Variants in BICDL1 observed in about 807,000 individuals in gnomAD.
BICDL1 encodes the protein BICD family-like cargo adapter 1.
A neutral mutation model predicts 76.8 loss-of-function variants in BICDL1; 20 were observed. That is an observed-to-expected ratio of 0.26 (90% CI 0.18 to 0.38). The LOEUF (loss-of-function observed/expected upper bound fraction) is 0.38, where lower values mean the gene tolerates loss of function less well. Ranked by LOEUF, BICDL1 falls within the 10% of genes least tolerant of loss-of-function variation. The pLI is 1.00. For missense variants in BICDL1, 700 were observed against 798.6 expected, an observed-to-expected ratio of 0.88 and a Z score of 1.49; for synonymous variants, 383 against 337.1, an observed-to-expected ratio of 1.14 and a Z score of -1.49.
chr12:120,061,757 A>T lies in BICDL1; in HGVS notation c.693A>T (p.Arg231Ser). 2 of 1,614,218 alleles carry T rather than the reference A, an allele frequency of 1.2e-6. No homozygotes were observed. The highest frequency in any genetic ancestry group is 1.7e-6 in the Non-Finnish European group (2 of 1,180,030). ...RQLSMQVHAL[R>S]EDFREKNSST... ...TCTCCATGCAGGTCCACGCCCTCAG[A>T]GAAGACTTTCGGGAGAAAAACTCAT... The change falls in exon 3 of 10, where the codon AGA becomes AGT. Residue 231 changes from arginine (R) to serine (S), a missense_variant. By Grantham distance (110) the Arg-to-Ser change is moderately radical (BLOSUM62 -1). Coordinates refer to ENST00000548673, the MANE Select transcript of BICDL1 (RefSeq NM_001367886.1).
At chr12:120,044,582 C>T (rs575324655) in intron 2 of BICDL1, among the ~76,000 whole-genome samples, 9 of 152,192 alleles carry the variant, frequency 5.9e-5, no homozygotes, top group South Asian at 2.1e-4. Flanking sequence ...CATTTTCATG[C>T]AATCTCCTTT....
intron 2 of BICDL1, among the ~76,000 whole-genome samples, chr12:120,044,728 G>A (rs560348913): frequency 1.4e-4 from 21 of 152,000 alleles, no homozygotes; most frequent in Non-Finnish European, 8.8e-5. Context: ...GATATGCGGC[G>A]TTATTTCTGA....
At chr12:120,017,185 C>G (rs1010782063) in intron 2 of BICDL1, among the ~76,000 whole-genome samples, 1 of 152,222 alleles carries the variant, frequency 6.6e-6, no homozygotes, top group Non-Finnish European at 1.5e-5. Context: ...CGTGAGCCAT[C>G]GTGCCCAGCC....
intron 2 of BICDL1, among the ~76,000 whole-genome samples, chr12:120,014,677 G>T (rs911806252): frequency 6.6e-6 from 1 of 150,394 alleles, no homozygotes; most frequent in African/African-American, 2.4e-5. Flanking sequence ...GTGACAGAGC[G>T]AGACTCCATC....
intron 2 of BICDL1, among the ~76,000 whole-genome samples, chr12:120,026,314 A>C (rs1007869460): frequency 1.3e-5 from 2 of 152,186 alleles, no homozygotes; most frequent in Non-Finnish European, 2.9e-5. Context: ...TTACAAAGCA[A>C]ATGGAGGAAA....
chr12:120,037,825 G>A (rs1331830386), intron 2 of BICDL1, among the ~76,000 whole-genome samples: 1 of 152,108 alleles, frequency 6.6e-6, no homozygotes, highest in African/African-American at 2.4e-5. Flanking sequence ...TAACAGACTC[G>A]TCCTTTGACC....
chr12:119,994,105 C>G (rs1440041266), intron 1 of BICDL1, among the ~76,000 whole-genome samples: 1 of 152,130 alleles, frequency 6.6e-6, no homozygotes, highest in Admixed American at 6.5e-5. Flanking sequence ...CAGTATCTCC[C>G]TTTTTTCCAT....
chr12:120,051,442 C>T (rs1952857786), intron 2 of BICDL1, among the ~76,000 whole-genome samples: 1 of 152,170 alleles, frequency 6.6e-6, no homozygotes, highest in South Asian at 2.1e-4. Context: ...TTTTATGAAT[C>T]TGTTTCTACC....
chr12:119,997,599 TAG>T (rs1951677032), intron 1 of BICDL1, among the ~76,000 whole-genome samples: 2 of 152,230 alleles, frequency 1.3e-5, no homozygotes, highest in South Asian at 4.1e-4. Flanking sequence ...AGCTGTGACT[TAG>T]AGAACCAGAG....
intron 2 of BICDL1, among the ~76,000 whole-genome samples, chr12:120,001,157 T>C (rs1464702218): frequency 6.6e-6 from 1 of 152,204 alleles, no homozygotes; most frequent in East Asian, 1.9e-4. Context: ...TTTTATTAAC[T>C]GAGTATCCAG....
intron 2 of BICDL1, among the ~76,000 whole-genome samples, chr12:120,003,335 G>A (rs541145145): frequency 1.3e-5 from 2 of 152,254 alleles, no homozygotes; most frequent in African/African-American, 4.8e-5. Context: ...CTTGTTTATT[G>A]TTGTAAACAG....
intron 2 of BICDL1, among the ~76,000 whole-genome samples, chr12:120,055,142 A>G (rs1952947888): frequency 6.6e-6 from 1 of 152,202 alleles, no homozygotes; most frequent in South Asian, 2.1e-4. Context: ...GGCAAAAGAA[A>G]GTTTGAGAAT....
intron 7 of BICDL1, among the ~76,000 whole-genome samples, chr12:120,080,008 C>G (rs1309802945): frequency 6.6e-6 from 1 of 152,178 alleles, no homozygotes; most frequent in African/African-American, 2.4e-5. Flanking sequence ...CAGGAGTGCC[C>G]CCAAAATGGG....
Position 120,080,777 on chromosome 12 carries a change from C to T in BICDL1, c.1453-110C>T, listed in dbSNP as rs1594210480. 4 of 1,220,810 alleles carry T rather than the reference C, an allele frequency of 3.3e-6. No individual in the cohort carries two copies. The Admixed American group carries it at 7.2e-5, about 22-fold the overall frequency. The allele number at this position is 1,220,810 out of a possible 1,614,324, so 75.6% of individuals were successfully genotyped here. On this transcript the variant is annotated intron_variant, in intron 7 of 9. Transcript: ENST00000548673. ...GCAGTGGAATGCTACCAGCTTGCAC[C>T]CCCACACATGTACCCTGGTCCTGCC...
chr12:120,033,185 G>A (rs1952459265), intron 2 of BICDL1, among the ~76,000 whole-genome samples: 1 of 151,820 alleles, frequency 6.6e-6, no homozygotes, highest in African/African-American at 2.4e-5. Context: ...TTTCCCCAGT[G>A]GACCTCAAAA....
chr12:120,003,695 T>G (rs966261627), intron 2 of BICDL1, among the ~76,000 whole-genome samples: 1 of 152,220 alleles, frequency 6.6e-6, no homozygotes, highest in African/African-American at 2.4e-5. Flanking sequence ...TGACTACATA[T>G]GAGAATGGAC....
intron 2 of BICDL1, among the ~76,000 whole-genome samples, chr12:120,004,763 A>G (rs576839929): frequency 1.3e-5 from 2 of 152,338 alleles, no homozygotes; most frequent in Admixed American, 6.5e-5. Context: ...AATATTCCTT[A>G]GTAGATATTC....
intron 2 of BICDL1, among the ~76,000 whole-genome samples, chr12:120,052,309 T>TTCTC (rs201264770): frequency 1.4e-5 from 2 of 142,648 alleles, no homozygotes; most frequent in South Asian, 2.3e-4. Flanking sequence ...CTTCCTTCCT[T>TTCTC]TCTCTCTCTC....
chr12:120,037,554 G>A (rs1468659427), intron 2 of BICDL1, among the ~76,000 whole-genome samples: 1 of 152,014 alleles, frequency 6.6e-6, no homozygotes, highest in African/African-American at 2.4e-5. Flanking sequence ...AAATAGAATA[G>A]TGCTCAGCAA....
Sources: gnomAD v4.1 joint callset for allele counts (sites outside exome capture counted in the v4.1 genomes callset) on GRCh38, gnomAD v4.1.1 for gene constraint, MANE v1.5 for transcripts, NCBI Gene and HGNC (gene_info 2026-07-23, HGNC 2026-07-21) for gene names.